The following EXOC4 variants were observed in gnomAD, a reference collection of about 807,000 sequenced individuals.
EXOC4 encodes exocyst complex component 4, also known as SEC8-like 1.
A neutral mutation model predicts 107.2 loss-of-function variants in EXOC4; 71 were observed. The observed-to-expected ratio is 0.66, with a 90% CI of 0.55 to 0.81. The LOEUF (loss-of-function observed/expected upper bound fraction) is 0.81, where lower values mean the gene tolerates loss of function less well. Among genes scored for constraint, EXOC4 ranks in the 30% least tolerant of loss-of-function variants. The probability of loss-of-function intolerance (pLI) is 0.00; values close to 1 mark genes in which losing one functional copy is unlikely to be tolerated. For synonymous variants in EXOC4, 456 were observed against 441.2 expected (o/e 1.03, Z -0.42); for missense variants, 1,108 against 1,189.6 (o/e 0.93, Z 1.01).
At chr7:133,739,222 T>TGTGTGTGTGTG (rs1795510845) in intron 10 of EXOC4, among the ~76,000 whole-genome samples, 1 of 142,308 alleles carries the variant, frequency 7.0e-6, no homozygotes, top group Non-Finnish European at 1.5e-5. Context: ...GTAGAGGGGT[T>TGTGTGTGTGTG]TGTGTGTGTG....
intron 17 of EXOC4, among the ~76,000 whole-genome samples, chr7:134,060,656 G>A (rs987183762): frequency 2.0e-5 from 3 of 152,134 alleles, no homozygotes; most frequent in Non-Finnish European, 4.4e-5. Context: ...TCATTCTAAT[G>A]GTATAGTTTG....
At chr7:133,676,852 A>G (rs919333974) in intron 10 of EXOC4, among the ~76,000 whole-genome samples, 2 of 152,028 alleles carry the variant, frequency 1.3e-5, no homozygotes, top group African/African-American at 4.8e-5. Flanking sequence ...TTTCTTATGT[A>G]TATTATAGAA....
At chr7:133,595,580 T>C (rs1408974885) in intron 9 of EXOC4, among the ~76,000 whole-genome samples, 2 of 152,214 alleles carry the variant, frequency 1.3e-5, no homozygotes, top group East Asian at 1.9e-4. Context: ...CTGAGCACTT[T>C]ATGTGCATGA....
intron 12 of EXOC4, among the ~76,000 whole-genome samples, chr7:133,905,633 A>T (rs1019555251): frequency 6.6e-6 from 1 of 151,372 alleles, no homozygotes; most frequent in African/African-American, 2.4e-5. Context: ...TCATTAATCA[A>T]TTTTTTTTTC....
chr7:133,686,467 T>G (rs117807131), intron 10 of EXOC4, among the ~76,000 whole-genome samples: 3,697 of 152,278 alleles, frequency 0.024, 58 homozygotes, highest in Non-Finnish European at 0.036. Flanking sequence ...CCCTAAAGTT[T>G]GAAACTTAAC....
chr7:133,566,876 G>C (rs1439736998), intron 9 of EXOC4, among the ~76,000 whole-genome samples: 3 of 152,122 alleles, frequency 2.0e-5, no homozygotes, highest in African/African-American at 7.2e-5. Context: ...TGTTCCCATG[G>C]ATATAACAAT....
At chr7:133,580,509 A>G (rs929806633) in intron 9 of EXOC4, among the ~76,000 whole-genome samples, 5 of 152,092 alleles carry the variant, frequency 3.3e-5, no homozygotes, top group Non-Finnish European at 7.4e-5. Context: ...ACGCTCCTAC[A>G]TTTCTGTTTA....
intron 17 of EXOC4, among the ~76,000 whole-genome samples, chr7:134,039,277 G>A (rs1377129278): frequency 6.6e-6 from 1 of 152,010 alleles, no homozygotes; most frequent in African/African-American, 2.4e-5. Context: ...AAAGCTTCAG[G>A]GAGTGCATAA....
intron 10 of EXOC4, among the ~76,000 whole-genome samples, chr7:133,783,822 A>G (rs113892717): frequency 2.6e-5 from 4 of 152,182 alleles, no homozygotes; most frequent in African/African-American, 4.8e-5. Context: ...GATGCTTTCA[A>G]ACTTTGCCAG....
intron 10 of EXOC4, among the ~76,000 whole-genome samples, chr7:133,671,122 C>G (rs572771433): frequency 2.0e-5 from 3 of 152,012 alleles, no homozygotes; most frequent in Admixed American, 6.5e-5. Context: ...GGGAGTGTGT[C>G]GAAGATGACA....
chr7:134,021,019 A>G (rs1252019312), intron 17 of EXOC4, among the ~76,000 whole-genome samples: 2 of 151,940 alleles, frequency 1.3e-5, no homozygotes, highest in East Asian at 3.9e-4. Flanking sequence ...TGATTAGAGG[A>G]TCAACTATAG....
chr7:133,643,589 A>C (rs1465282066), intron 10 of EXOC4, among the ~76,000 whole-genome samples: 1 of 152,180 alleles, frequency 6.6e-6, no homozygotes, highest in Non-Finnish European at 1.5e-5. Context: ...TAAAATAAAG[A>C]CAATAATAAG....
intron 11 of EXOC4, among the ~76,000 whole-genome samples, chr7:133,877,422 A>G (rs1798872829): frequency 6.6e-6 from 1 of 152,162 alleles, no homozygotes. Context: ...TTGGGAACAC[A>G]TTTAAGCTAT....
chr7:133,663,513 C>T (rs141269151), intron 10 of EXOC4, among the ~76,000 whole-genome samples: 2 of 152,244 alleles, frequency 1.3e-5, no homozygotes, highest in Non-Finnish European at 2.9e-5. Flanking sequence ...TTTAAAATAT[C>T]CAAAACTGAG....
intron 9 of EXOC4, among the ~76,000 whole-genome samples, chr7:133,511,672 C>T (rs1202297337): frequency 6.6e-6 from 1 of 152,154 alleles, no homozygotes; most frequent in Non-Finnish European, 1.5e-5. Flanking sequence ...CATTGTAGAG[C>T]AAATGCAGAC....
chr7:133,859,001 C>T (rs1798477192), intron 11 of EXOC4, among the ~76,000 whole-genome samples: 1 of 152,128 alleles, frequency 6.6e-6, no homozygotes, highest in East Asian at 1.9e-4. Flanking sequence ...TTTGACTCTT[C>T]TCCCCTGCCT....
At chr7:134,096,747 T>C in the EXOC4 span, among the ~76,000 whole-genome samples, 6 of 152,196 alleles carry the variant, frequency 3.9e-5, no homozygotes, top group South Asian at 6.2e-4. Context: ...ACTCAGCAAA[T>C]CAAGTGCTCC....
chr7:133,702,717 G>A (rs1361189757), intron 10 of EXOC4, among the ~76,000 whole-genome samples: 3 of 152,076 alleles, frequency 2.0e-5, no homozygotes, highest in East Asian at 3.9e-4. Flanking sequence ...ATTGTGCTAG[G>A]TGGCTTTTAA....
intron 10 of EXOC4, among the ~76,000 whole-genome samples, chr7:133,676,029 T>C (rs1794049388): frequency 6.6e-6 from 1 of 152,126 alleles, no homozygotes; most frequent in Non-Finnish European, 1.5e-5. Context: ...GCTGACAGTT[T>C]TGAAGAGGAA....
Sources: gnomAD v4.1 joint callset for allele counts (sites outside exome capture counted in the v4.1 genomes callset) on GRCh38, gnomAD v4.1.1 for gene constraint, MANE v1.5 for transcripts, NCBI Gene and HGNC (gene_info 2026-07-23, HGNC 2026-07-21) for gene names.